The following EPB41L4A variants were observed in gnomAD, a reference collection of about 807,000 sequenced individuals.
EPB41L4A encodes the protein band 4.1-like protein 4A.
Under a neutral mutation model 108.6 loss-of-function variants are expected in EPB41L4A, and 100 were observed. The observed-to-expected ratio is 0.92, with a 90% CI of 0.78 to 1.09. The LOEUF is 1.09. EPB41L4A is among the 50% of genes least tolerant of loss of function. The probability of loss-of-function intolerance (pLI) is 0.00; values close to 1 mark genes in which losing one functional copy is unlikely to be tolerated. For synonymous variants in EPB41L4A, 319 were observed against 289.0 expected (o/e 1.10, Z -1.05); for missense variants, 1,030 against 842.7 (o/e 1.22, Z -2.75).
At chr5:112,349,103 G>A (rs190455576) in intron 1 of EPB41L4A, among the ~76,000 whole-genome samples, 101 of 152,284 alleles carry the variant, frequency 6.6e-4, no homozygotes, top group Middle Eastern at 3.4e-3. Context: ...ATCTGGCATC[G>A]GAAGGTTGGT....
intron 1 of EPB41L4A, among the ~76,000 whole-genome samples, chr5:112,369,805 C>T (rs111501722): frequency 0.011 from 1,721 of 152,270 alleles, 30 homozygotes; most frequent in African/African-American, 0.038. Context: ...CTACTTCAGA[C>T]TGGAACAAAA....
At chr5:112,153,736 G>C (rs906974561) in intron 12 of EPB41L4A, among the ~76,000 whole-genome samples, 2 of 151,428 alleles carry the variant, frequency 1.3e-5, no homozygotes, top group Non-Finnish European at 2.9e-5. Context: ...TGGTTAATAA[G>C]CTAGATCCAA....
intron 18 of EPB41L4A, among the ~76,000 whole-genome samples, chr5:112,177,777 T>G (rs1760943935): frequency 6.6e-6 from 1 of 152,006 alleles, no homozygotes; most frequent in East Asian, 1.9e-4. Context: ...CTGATAAGAA[T>G]CATACTTACA....
At chr5:112,216,170 TC>T (rs1264091567) in intron 12 of EPB41L4A, among the ~76,000 whole-genome samples, 12 of 152,350 alleles carry the variant, frequency 7.9e-5, no homozygotes, top group African/African-American at 2.6e-4. Context: ...GAATGAACTT[TC>T]CCAGGATCTA....
At chr5:112,195,616 T>A in intron 16 of EPB41L4A, 45 bp downstream of exon 16, 1 of 1,510,632 alleles carries the variant, frequency 6.6e-7, no homozygotes, top group Non-Finnish European at 9.2e-7. Context: ...CTAAATCTGC[T>A]AACCCTTCTT....
In EPB41L4A at chr5:112,360,784, G is replaced by A. The variant is rs1177928267; in HGVS notation, c.100-53294C>T. The stretch of plus-strand genomic sequence containing the variant: ...TCCCGGTCGTCATCCCGTCTAGGAA[G>A]TGAAGAGCGTCTCTGCCCGGCCGCC... On this transcript the variant is annotated intron_variant, in intron 1 of 22. Transcript: ENST00000261486. Among the ~76,000 whole-genome samples, 7 of 152,030 alleles carry A rather than the reference G, an allele frequency of 4.6e-5. No individual in the cohort carries two copies. In the East Asian group the frequency reaches 9.7e-4, roughly 21 times the overall value.
chr5:112,142,839 C>T (rs1188940797), exon 14 of EPB41L4A: 1 of 152,194 alleles, frequency 6.6e-6, no homozygotes, highest in Non-Finnish European at 1.5e-5. Flanking sequence ...TCTATATCCA[C>T]TCTCCTTGAC....
At chr5:112,418,788 C>CCT (rs1762877056) in intron 1 of EPB41L4A, among the ~76,000 whole-genome samples, 153 bp downstream of exon 1, 1 of 152,042 alleles carries the variant, frequency 6.6e-6, no homozygotes. Context: ...GTACGTCCAC[C>CCT]CTCTCCCTGC....
chr5:112,184,806 G>A (rs997071720), intron 17 of EPB41L4A, among the ~76,000 whole-genome samples: 9 of 152,146 alleles, frequency 5.9e-5, no homozygotes, highest in African/African-American at 1.9e-4. Context: ...CACTTGACAT[G>A]TAAGATCACA....
chr5:112,279,401 G>T (rs1016137115), intron 3 of EPB41L4A, among the ~76,000 whole-genome samples: 7 of 152,154 alleles, frequency 4.6e-5, no homozygotes, highest in Non-Finnish European at 1.0e-4. Context: ...AATGCCAGAA[G>T]AATCCACTCC....
chr5:112,305,544 G>C (rs1218906584), intron 2 of EPB41L4A, among the ~76,000 whole-genome samples: 2 of 151,920 alleles, frequency 1.3e-5, no homozygotes, highest in African/African-American at 4.8e-5. Context: ...ATCCTTATTT[G>C]TTTTAAGTAA....
At chr5:112,274,183 G>A (rs1358558676) in intron 4 of EPB41L4A, among the ~76,000 whole-genome samples, 1 of 152,078 alleles carries the variant, frequency 6.6e-6, no homozygotes, top group Non-Finnish European at 1.5e-5. Context: ...CTGAGGCTGA[G>A]GCGGGAGGAT....
At chr5:112,220,111 T>C (rs1275224018) in intron 12 of EPB41L4A, among the ~76,000 whole-genome samples, 1 of 152,258 alleles carries the variant, frequency 6.6e-6, no homozygotes, top group Non-Finnish European at 1.5e-5. Flanking sequence ...TAGCAACAAG[T>C]CTATTCCTAC....
At chr5:112,205,329 G>A (rs1762420763) in intron 14 of EPB41L4A, 92 bp downstream of exon 14, 2 of 1,077,712 alleles carry the variant, frequency 1.9e-6, no homozygotes, top group Admixed American at 3.4e-5. Flanking sequence ...GCTGTGATCA[G>A]CCACCCAGCA....
At chr5:112,170,704 T>A (rs1037921081) in intron 19 of EPB41L4A, among the ~76,000 whole-genome samples, 1 of 152,180 alleles carries the variant, frequency 6.6e-6, no homozygotes, top group Non-Finnish European at 1.5e-5. Flanking sequence ...TTGGCCTGTC[T>A]GAGGTCCATT....
chr5:112,203,861 G>A (rs1189162604), intron 15 of EPB41L4A, among the ~76,000 whole-genome samples: 1 of 151,820 alleles, frequency 6.6e-6, no homozygotes, highest in Non-Finnish European at 1.5e-5. Context: ...GACCAACATG[G>A]AAAAACCCCT....
At chr5:112,152,879 A>T (rs187824312) in intron 12 of EPB41L4A, among the ~76,000 whole-genome samples, 179 of 150,588 alleles carry the variant, frequency 1.2e-3, no homozygotes, top group South Asian at 7.3e-3. Context: ...ATCTAGGAAG[A>T]TATATCAATT....
intron 17 of EPB41L4A, among the ~76,000 whole-genome samples, chr5:112,189,665 C>G (rs1561461271): frequency 6.6e-6 from 1 of 152,128 alleles, no homozygotes; most frequent in East Asian, 1.9e-4. Context: ...GTTATTTCTA[C>G]TTTTATGCTG....
intron 1 of EPB41L4A, among the ~76,000 whole-genome samples, chr5:112,323,642 T>C (rs1755954532): frequency 6.6e-6 from 1 of 152,182 alleles, no homozygotes; most frequent in South Asian, 2.1e-4. Context: ...CAACGTACCT[T>C]AAACCAGACC....
Sources: allele counts gnomAD v4.1 joint callset (sites outside exome capture counted in the v4.1 genomes callset), GRCh38; gene constraint gnomAD v4.1.1; transcripts MANE v1.5; gene names NCBI Gene and HGNC (gene_info 2026-07-23, HGNC 2026-07-21).